Variants in FHOD3 observed in about 807,000 individuals in gnomAD.
FHOD3 encodes formin homology 2 domain containing 3.
In FHOD3, 90 loss-of-function variants were observed where a neutral mutation model predicts 173.0. That is an observed-to-expected ratio of 0.52 (90% confidence interval 0.44 to 0.62). The LOEUF (loss-of-function observed/expected upper bound fraction) is 0.62, where lower values mean the gene tolerates loss of function less well. Ranked by LOEUF, FHOD3 falls within the 20% of genes least tolerant of loss-of-function variation. The pLI, the probability that FHOD3 is intolerant of heterozygous loss-of-function variation, is 0.00. For missense variants in FHOD3, 1,945 were observed against 2,034.7 expected, an observed-to-expected ratio of 0.96 and a Z score of 0.85; for synonymous variants, 828 against 823.0, an observed-to-expected ratio of 1.01 and a Z score of -0.10.
chr18:36,464,015 A>G (rs937176026), intron 3 of FHOD3, among the ~76,000 whole-genome samples: 3 of 152,364 alleles, frequency 2.0e-5, no homozygotes. Flanking sequence ...ATTGTTCTCA[A>G]TAATAGAACA....
intron 1 of FHOD3, among the ~76,000 whole-genome samples, chr18:36,298,230 G>T: frequency 6.6e-6 from 1 of 152,078 alleles, no homozygotes; most frequent in Middle Eastern, 3.2e-3. Flanking sequence ...AGAGCCGGGG[G>T]CGGGCGTGGC....
chr18:36,617,620 C>CGT (rs1339528568), intron 9 of FHOD3, among the ~76,000 whole-genome samples: 1 of 30,562 alleles, frequency 3.3e-5, no homozygotes, highest in East Asian at 1.2e-3. Context: ...TGTGTGTGTG[C>CGT]AATAGTTAAG....
intron 3 of FHOD3, among the ~76,000 whole-genome samples, chr18:36,444,908 C>T (rs1320016516): frequency 6.6e-6 from 1 of 152,176 alleles, no homozygotes; most frequent in East Asian, 1.9e-4. Context: ...TGAATAGCCT[C>T]ATGCATGTGT....
intron 1 of FHOD3, among the ~76,000 whole-genome samples, chr18:36,311,561 G>GC (rs2092257981): frequency 6.6e-6 from 1 of 152,158 alleles, no homozygotes; most frequent in African/African-American, 2.4e-5. Flanking sequence ...ACAGGAGCAT[G>GC]CGTGGCCTCC....
intron 8 of FHOD3, among the ~76,000 whole-genome samples, chr18:36,609,464 C>G (rs560859322): frequency 1.1e-4 from 16 of 152,240 alleles, no homozygotes; most frequent in Middle Eastern, 3.4e-3. Flanking sequence ...TCATTTCCCC[C>G]GCAGCCTGCA....
At chr18:36,354,450 T>C (rs1232457703) in intron 1 of FHOD3, among the ~76,000 whole-genome samples, 3 of 152,178 alleles carry the variant, frequency 2.0e-5, no homozygotes, top group Admixed American at 6.5e-5. Context: ...TGACTTCCCA[T>C]GTACAAATGT....
At chr18:36,512,291 C>T in intron 4 of FHOD3, 147 bp from the exon 5 acceptor site, 1 of 648,136 alleles carries the variant, frequency 1.5e-6, no homozygotes, top group African/African-American at 1.8e-5. Context: ...CTTTTGGCAA[C>T]AGTTGATATG....
chr18:36,646,353 A>G (rs1160946127), intron 10 of FHOD3, among the ~76,000 whole-genome samples: 2 of 152,218 alleles, frequency 1.3e-5, no homozygotes, highest in South Asian at 4.1e-4. Context: ...TTTAAACACT[A>G]TTAAGAGAAA....
intron 19 of FHOD3, among the ~76,000 whole-genome samples, chr18:36,722,284 C>A (rs1463683894): frequency 1.3e-5 from 2 of 152,188 alleles, no homozygotes; most frequent in Admixed American, 1.3e-4. Flanking sequence ...GGCTTGACAT[C>A]ACCCTGGGGA....
At position 36,714,020 on chromosome 18, in the gene FHOD3, T is replaced by G. The variant is rs556424108; in HGVS notation, c.2534-3812T>G. On this transcript the variant is annotated intron_variant, in intron 18 of 28. Coordinates refer to ENST00000590592, the MANE Select transcript of FHOD3 (RefSeq NM_001281740.3). The stretch of plus-strand genomic sequence containing the variant: ...CACAGGTAGATTGTAACTTAAAAGT[T>G]GGGGGAAAAAGTCTGTAGGACTAGG... 4.4e-5 allele frequency among the ~76,000 whole-genome samples: 6 copies of G among 135,816 alleles called. No homozygotes were observed. In the South Asian group the frequency reaches 1.7e-3, roughly 38 times the overall value. 89.1% of individuals were successfully genotyped at this position (135,816 alleles called of 152,430 possible). A position where few individuals can be genotyped will look rare whatever the true frequency, so the allele number is the denominator to read the frequency against.
At chr18:36,362,019 T>C (rs2046650569) in intron 2 of FHOD3, among the ~76,000 whole-genome samples, 1 of 152,218 alleles carries the variant, frequency 6.6e-6, no homozygotes, top group Non-Finnish European at 1.5e-5. Context: ...AATCAAAGGT[T>C]CTAAATGCCT....
chr18:36,602,901 G>T lies in FHOD3; in HGVS notation c.813+133G>T, dbSNP rs2031581705. The T allele has an allele frequency of 2.0e-5, 14 of 689,136 alleles. No individual in the cohort carries two copies. The South Asian group carries it at 2.3e-4, about 11-fold the overall frequency. 42.7% of individuals were successfully genotyped at this position (689,136 alleles called of 1,614,324 possible). A position where few individuals can be genotyped will look rare whatever the true frequency, so the allele number is the denominator to read the frequency against. ...AGATATAATCTGGTTGTGAGGGTGG[G>T]CTCTGATGCAGCATGACTGTGTTCT... On this transcript the variant is annotated intron_variant, in intron 8 of 28. Coordinates refer to ENST00000590592, the MANE Select transcript of FHOD3 (RefSeq NM_001281740.3).
chr18:36,648,428 A>C (rs1204695850), intron 10 of FHOD3, among the ~76,000 whole-genome samples: 1 of 152,316 alleles, frequency 6.6e-6, no homozygotes, highest in South Asian at 2.1e-4. Flanking sequence ...AGAATGTCCC[A>C]GTTTTTAAAG....
chr18:36,693,146 A>G, intron 16 of FHOD3, 63 bp from the exon 17 acceptor site: 1 of 1,494,592 alleles, frequency 6.7e-7, no homozygotes, highest in Non-Finnish European at 9.2e-7. Flanking sequence ...TTCATCCATA[A>G]ACAAGCATCA....
At chr18:36,438,587 G>A (rs1021044432) in intron 3 of FHOD3, among the ~76,000 whole-genome samples, 2 of 152,106 alleles carry the variant, frequency 1.3e-5, no homozygotes, top group African/African-American at 4.8e-5. Flanking sequence ...ACTGTTATGT[G>A]TGTCTGTTGT....
chr18:36,748,364 GCACACACACACACACACAACA>G (rs1455485472), intron 24 of FHOD3, among the ~76,000 whole-genome samples: 2 of 140,722 alleles, frequency 1.4e-5, no homozygotes, highest in Non-Finnish European at 1.5e-5. Context: ...ACACGCACGC[GCACACACACACACACACAACA>G]CACACACACA....
At chr18:36,402,533 A>ACACACG (rs1211055828) in intron 3 of FHOD3, among the ~76,000 whole-genome samples, 9 of 151,890 alleles carry the variant, frequency 5.9e-5, no homozygotes, top group Admixed American at 2.0e-4. Flanking sequence ...ACACACACAC[A>ACACACG]CACACACACA....
intron 16 of FHOD3, among the ~76,000 whole-genome samples, chr18:36,689,900 G>A (rs2038855385): frequency 6.6e-6 from 1 of 152,188 alleles, no homozygotes; most frequent in Admixed American, 6.5e-5. Context: ...TAGAAGGACT[G>A]AGAACAGGGC....
intron 4 of FHOD3, among the ~76,000 whole-genome samples, chr18:36,507,634 T>C (rs1321678717): frequency 6.6e-6 from 1 of 152,220 alleles, no homozygotes; most frequent in Non-Finnish European, 1.5e-5. Context: ...TGAATTGTCT[T>C]CTAGAAGATG....
Sources: gnomAD v4.1 joint callset for allele counts (sites outside exome capture counted in the v4.1 genomes callset) on GRCh38, gnomAD v4.1.1 for gene constraint, MANE v1.5 for transcripts, NCBI Gene and HGNC (gene_info 2026-07-23, HGNC 2026-07-21) for gene names.